HGF: variants seen among roughly 807,000 people sequenced by gnomAD.
The protein encoded by HGF is fibroblast-derived tumor cytotoxic factor.
HGF carries 39 observed loss-of-function variants against 111.6 expected under a neutral mutation model. The observed-to-expected ratio is 0.35, with a 90% CI of 0.27 to 0.46. HGF has a LOEUF of 0.46. Ranked by LOEUF, HGF falls within the 20% of genes least tolerant of loss-of-function variation. HGF has a pLI of 1.00. For synonymous variants in HGF, 285 were observed against 294.8 expected, an observed-to-expected ratio of 0.97 and a Z score of 0.34; for missense variants, 735 against 910.5, an observed-to-expected ratio of 0.81 and a Z score of 2.48.
intron 2 of HGF, 101 bp from the exon 3 acceptor site, chr7:81,758,905 T>C: frequency 2.7e-6 from 2 of 729,972 alleles, no homozygotes; most frequent in Non-Finnish European, 4.8e-6. Context: ...ATGGACAATA[T>C]AGAAACAAAT....
At chr7:81,716,372 T>A (rs888470570) in intron 11 of HGF, among the ~76,000 whole-genome samples, 22 of 152,168 alleles carry the variant, frequency 1.4e-4, no homozygotes, top group African/African-American at 5.3e-4. Context: ...GGATTTTGAA[T>A]TCACACTGTA....
chr7:81,768,850 G>T (rs1404855791), intron 1 of HGF, among the ~76,000 whole-genome samples: 1 of 152,080 alleles, frequency 6.6e-6, no homozygotes, highest in Non-Finnish European at 1.5e-5. Flanking sequence ...AACCAGGTGG[G>T]TTGAATGATT....
intron 2 of HGF, among the ~76,000 whole-genome samples, chr7:81,760,232 T>C (rs1789000059): frequency 6.6e-6 from 1 of 152,226 alleles, no homozygotes; most frequent in East Asian, 1.9e-4. Context: ...TATTTGTTGA[T>C]GGCAGGAAGG....
chr7:81,712,028 T>C (rs1024616796), intron 11 of HGF, among the ~76,000 whole-genome samples: 12 of 152,186 alleles, frequency 7.9e-5, no homozygotes, highest in African/African-American at 2.9e-4. Flanking sequence ...CTGGATAATA[T>C]TGTAAGTATA....
intron 7 of HGF, among the ~76,000 whole-genome samples, chr7:81,739,111 T>C (rs6945750): frequency 0.77 from 117,027 of 151,674 alleles, 45,345 homozygotes; most frequent in Middle Eastern, 0.88. Flanking sequence ...CTCTCTTATA[T>C]ATATGTCATC....
At chr7:81,734,709 G>T (rs1787768816) in intron 7 of HGF, among the ~76,000 whole-genome samples, 1 of 152,094 alleles carries the variant, frequency 6.6e-6, no homozygotes, top group Non-Finnish European at 1.5e-5. Context: ...CCTGATAGAG[G>T]TCTGAATGGT....
chr7:81,768,042 T>C (rs1789450777), intron 1 of HGF, among the ~76,000 whole-genome samples: 1 of 152,166 alleles, frequency 6.6e-6, no homozygotes, highest in Non-Finnish European at 1.5e-5. Context: ...CCAACTGGAC[T>C]CTCCTTGCCT....
chr7:81,759,135 G>A lies in HGF; in HGVS notation c.255-331C>T, dbSNP rs547184232. Among the ~76,000 whole-genome samples, 22 of 152,158 alleles carry A rather than the reference G, an allele frequency of 1.4e-4. No individual in the cohort carries two copies. The South Asian group carries it at 4.6e-3, about 32-fold the overall frequency. On this transcript the variant is annotated intron_variant, in intron 2 of 17. Transcript: ENST00000222390. ...TAACACAACTATTTAAATTATTTCT[G>A]AAGGCTTTATTTTTCTGTAACTTCA...
intron 4 of HGF, chr7:81,755,214 A>G (rs561738656): frequency 1.3e-5 from 2 of 152,198 alleles, no homozygotes; most frequent in Non-Finnish European, 2.9e-5. Context: ...TCATCTTTCC[A>G]TTAAGCCACT....
At chr7:81,713,983 T>TGTGC (rs1789641466) in intron 11 of HGF, among the ~76,000 whole-genome samples, 1 of 112,414 alleles carries the variant, frequency 8.9e-6, no homozygotes, top group African/African-American at 3.3e-5. Flanking sequence ...GGTAGGGGTG[T>TGTGC]GTGTGCGTGT....
intron 8 of HGF, among the ~76,000 whole-genome samples, chr7:81,727,942 C>T (rs1790062967): frequency 6.6e-6 from 1 of 152,178 alleles, no homozygotes; most frequent in African/African-American, 2.4e-5. Flanking sequence ...GGATGGTTTA[C>T]AATTACTAAA....
At chr7:81,748,299 T>C (rs1462965399) in intron 5 of HGF, among the ~76,000 whole-genome samples, 1 of 152,216 alleles carries the variant, frequency 6.6e-6, no homozygotes, top group Non-Finnish European at 1.5e-5. Context: ...TGCTCTCCTG[T>C]TGAAGTCTCA....
At chr7:81,756,675 A>G (rs1387069481) in intron 4 of HGF, 2 of 159,344 alleles carry the variant, frequency 1.3e-5, no homozygotes, top group Admixed American at 6.1e-5. Context: ...TGGGAGCTCA[A>G]AAAATACTGG....
intron 6 of HGF, 117 bp downstream of exon 6, chr7:81,744,883 T>C (rs1788166535): frequency 6.1e-6 from 7 of 1,149,672 alleles, no homozygotes; most frequent in Non-Finnish European, 8.9e-6. Flanking sequence ...TTCTAAATGT[T>C]ATGTTCATGT....
At chr7:81,760,217 T>C (rs1462590787) in intron 2 of HGF, among the ~76,000 whole-genome samples, 1 of 152,230 alleles carries the variant, frequency 6.6e-6, no homozygotes. Context: ...ATTTTGTCTA[T>C]TTCCTATTTG....
intron 1 of HGF, among the ~76,000 whole-genome samples, chr7:81,765,481 G>A (rs1789312379): frequency 6.6e-6 from 1 of 151,868 alleles, no homozygotes; most frequent in African/African-American, 2.4e-5. Context: ...AAATAGAAAT[G>A]AAAAGCTTGT....
Position 81,743,459 on chromosome 7 carries a change from C to T in HGF, c.759G>A (p.Lys253=). 1.9e-6 allele frequency: 3 copies of T among 1,610,518 alleles called. No individual in the cohort carries two copies. Among genetic ancestry groups the T allele is most frequent in the Non-Finnish European group, 2.5e-6 (3 of 1,176,726 alleles). The change falls in exon 7 of 18, where the codon AAG becomes AAA. Residue 253 remains lysine, a synonymous_variant. Coordinates refer to ENST00000222390, the MANE Select transcript of HGF (RefSeq NM_000601.6). ...TGCGGCAATAATTATCATCAAAGCCCTTGTCGGGATATCTGCAAACCACAC... is the reference window on the plus strand; with the variant it reads ...TGCGGCAATAATTATCATCAAAGCCTTTGTCGGGATATCTGCAAACCACAC... ...HKFLPERYPD[K]GFDDNYCRNP... is the part of the protein sequence containing the mutation.
At chr7:81,741,100 T>G (rs1480801770) in intron 7 of HGF, among the ~76,000 whole-genome samples, 7 of 152,234 alleles carry the variant, frequency 4.6e-5, no homozygotes, top group Non-Finnish European at 1.0e-4. Flanking sequence ...GTTTCCAGAA[T>G]GTCAATTTTA....
At chr7:81,759,277 A>C (rs1385286124) in intron 2 of HGF, among the ~76,000 whole-genome samples, 1 of 152,158 alleles carries the variant, frequency 6.6e-6, no homozygotes, top group Non-Finnish European at 1.5e-5. Flanking sequence ...GTATAACTGT[A>C]AAAAATATAT....
Sources: gnomAD v4.1 joint callset for allele counts (sites outside exome capture counted in the v4.1 genomes callset) on GRCh38, gnomAD v4.1.1 for gene constraint, MANE v1.5 for transcripts, NCBI Gene and HGNC (gene_info 2026-07-23, HGNC 2026-07-21) for gene names.